Variants in OLA1 observed in about 807,000 individuals in gnomAD.
The protein encoded by OLA1 is Obg like ATPase 1.
A neutral mutation model predicts 48.4 loss-of-function variants in OLA1; 14 were observed. That is an observed-to-expected ratio of 0.29 (90% CI 0.19 to 0.45). The LOEUF is 0.45. Ranked by LOEUF, OLA1 falls within the 20% of genes least tolerant of loss-of-function variation. OLA1 has a pLI of 1.00. For synonymous variants in OLA1, 127 were observed against 150.4 expected (o/e 0.84, Z 1.14); for missense variants, 325 against 467.1 (o/e 0.70, Z 2.80).
intron 7 of OLA1, among the ~76,000 whole-genome samples, chr2:174,093,810 T>C (rs1685182554): frequency 6.6e-6 from 1 of 152,250 alleles, no homozygotes; most frequent in Non-Finnish European, 1.5e-5. Context: ...AACTTATATC[T>C]GGCCATGAGG....
At chr2:174,188,874 T>C (rs1049769933) in intron 4 of OLA1, among the ~76,000 whole-genome samples, 2 of 152,224 alleles carry the variant, frequency 1.3e-5, no homozygotes, top group African/African-American at 2.4e-5. Flanking sequence ...ATTATGTATA[T>C]GCAAATGTTC....
At chr2:174,201,989 G>A (rs1463281230) in intron 4 of OLA1, among the ~76,000 whole-genome samples, 1 of 152,100 alleles carries the variant, frequency 6.6e-6, no homozygotes, top group Non-Finnish European at 1.5e-5. Context: ...GGGTTCACTT[G>A]CCTGTGGATT....
At chr2:174,114,898 G>C (rs181674711) in intron 7 of OLA1, among the ~76,000 whole-genome samples, 1 of 152,168 alleles carries the variant, frequency 6.6e-6, no homozygotes, top group African/African-American at 2.4e-5. Flanking sequence ...GAGAGGCCAA[G>C]GCACGTGGAT....
intron 4 of OLA1, among the ~76,000 whole-genome samples, chr2:174,179,241 T>A (rs1035982344): frequency 1.7e-4 from 26 of 151,802 alleles, no homozygotes; most frequent in Admixed American, 7.9e-4. Context: ...AAAGTACAAT[T>A]TTATGGTTAC....
chr2:174,076,675 T>C (rs981156191), intron 10 of OLA1, among the ~76,000 whole-genome samples: 6 of 151,950 alleles, frequency 3.9e-5, no homozygotes, highest in African/African-American at 1.2e-4. Context: ...TTTAACAGAA[T>C]ATAAATATAT....
At chr2:174,247,697 C>T in intron 1 of OLA1, 1 of 1,551,094 alleles carries the variant, frequency 6.4e-7, no homozygotes, top group Middle Eastern at 1.7e-4. Flanking sequence ...CCACCAAGTC[C>T]CTCCCACCTT....
intron 4 of OLA1, among the ~76,000 whole-genome samples, chr2:174,155,115 T>C (rs1686843500): frequency 6.6e-6 from 1 of 152,194 alleles, no homozygotes; most frequent in Admixed American, 6.5e-5. Flanking sequence ...ATCTGACCTA[T>C]AGCATGTACA....
intron 4 of OLA1, among the ~76,000 whole-genome samples, chr2:174,167,582 T>C (rs1342584308): frequency 2.0e-5 from 3 of 152,164 alleles, no homozygotes; most frequent in East Asian, 1.9e-4. Context: ...ATCCAAAATA[T>C]ACATATATAA....
chr2:174,142,510 T>A (rs1202329300), intron 4 of OLA1, among the ~76,000 whole-genome samples: 1 of 152,152 alleles, frequency 6.6e-6, no homozygotes, highest in African/African-American at 2.4e-5. Flanking sequence ...ATCGGCCTGA[T>A]TTGAGGGTAT....
chr2:174,218,891 G>C (rs1688424688), intron 4 of OLA1, among the ~76,000 whole-genome samples: 1 of 152,090 alleles, frequency 6.6e-6, no homozygotes, highest in African/African-American at 2.4e-5. Flanking sequence ...TGCAATCACA[G>C]GTCATTGCAG....
intron 4 of OLA1, among the ~76,000 whole-genome samples, chr2:174,175,524 C>A (rs945035896): frequency 4.0e-5 from 6 of 151,790 alleles, no homozygotes; most frequent in African/African-American, 1.5e-4. Flanking sequence ...GAAATGAAAG[C>A]CACAATATTC....
chr2:174,086,658 T>A (rs1467959409), intron 7 of OLA1, among the ~76,000 whole-genome samples: 2 of 152,236 alleles, frequency 1.3e-5, no homozygotes, highest in Non-Finnish European at 2.9e-5. Flanking sequence ...ACAGTCTGGA[T>A]AACCAAGACG....
At chr2:174,111,616 G>A (rs185701184) in intron 7 of OLA1, among the ~76,000 whole-genome samples, 155 of 152,218 alleles carry the variant, frequency 1.0e-3, no homozygotes, top group Middle Eastern at 6.8e-3. Context: ...CGTATACAAT[G>A]TTCATTATAT....
chr2:174,244,697 C>A (rs946583261), intron 2 of OLA1, among the ~76,000 whole-genome samples: 6 of 151,722 alleles, frequency 4.0e-5, no homozygotes, highest in Non-Finnish European at 7.4e-5. Context: ...GACCTTGGCT[C>A]ACTGCAACCT....
intron 7 of OLA1, among the ~76,000 whole-genome samples, chr2:174,105,925 T>C (rs1050514299): frequency 6.6e-6 from 1 of 152,064 alleles, no homozygotes; most frequent in African/African-American, 2.4e-5. Context: ...ACGGCAACAA[T>C]TAAGCTAGGT....
chr2:174,101,898 G>T (rs1321307286), intron 7 of OLA1, among the ~76,000 whole-genome samples: 1 of 152,122 alleles, frequency 6.6e-6, no homozygotes, highest in African/African-American at 2.4e-5. Flanking sequence ...AAGCCTAAAT[G>T]ACTCACAGGG....
chr2:174,203,088 G>A (rs1688026700), intron 4 of OLA1, among the ~76,000 whole-genome samples: 1 of 151,436 alleles, frequency 6.6e-6, no homozygotes, highest in African/African-American at 2.4e-5. Flanking sequence ...AAATATTATC[G>A]AACATGTCAT....
At chr2:174,215,059 A>AG (rs1688333582) in intron 4 of OLA1, among the ~76,000 whole-genome samples, 1 of 152,096 alleles carries the variant, frequency 6.6e-6, no homozygotes, top group Admixed American at 6.6e-5. Context: ...AAAAAAAAAA[A>AG]AAGAATTTTT....
intron 2 of OLA1, among the ~76,000 whole-genome samples, chr2:174,234,513 G>A (rs1354041185): frequency 1.3e-5 from 2 of 151,990 alleles, no homozygotes; most frequent in African/African-American, 4.8e-5. Flanking sequence ...GCCCAGGCTG[G>A]AGAGCAGTGG....
Sources: allele counts gnomAD v4.1 joint callset (sites outside exome capture counted in the v4.1 genomes callset), GRCh38; gene constraint gnomAD v4.1.1; transcripts MANE v1.5; gene names NCBI Gene and HGNC (gene_info 2026-07-23, HGNC 2026-07-21).